The following REPS2 variants were observed in gnomAD, a reference collection of about 807,000 sequenced individuals.
REPS2 encodes the protein RALBP1 associated Eps domain containing 2, also known as ralBP1-associated Eps domain-containing protein 2.
Under a neutral mutation model 53.6 loss-of-function variants are expected in REPS2, and 23 were observed. That is an observed-to-expected ratio of 0.43 (90% confidence interval 0.31 to 0.61). The LOEUF (loss-of-function observed/expected upper bound fraction) is 0.61, where lower values mean the gene tolerates loss of function less well. Ranked by LOEUF, REPS2 falls within the 20% of genes least tolerant of loss-of-function variation. REPS2 has a pLI of 0.11. For missense variants in REPS2, 446 were observed against 534.9 expected (o/e 0.83, Z 1.64); for synonymous variants, 238 against 218.6 (o/e 1.09, Z -0.78).
chrX:17,086,936 G>A (rs909774988), intron 13 of REPS2, among the ~76,000 whole-genome samples: 3 of 112,101 alleles, frequency 2.7e-5, no homozygotes, highest in Non-Finnish European at 5.6e-5. Context: ...GAGGGATATG[G>A]ATATGCCCCC....
intron 13 of REPS2, among the ~76,000 whole-genome samples, chrX:17,088,967 A>G (rs946906441): frequency 2.7e-5 from 3 of 111,525 alleles, no homozygotes; most frequent in African/African-American, 9.8e-5. Context: ...ACATTAAATT[A>G]ATTTGGAGGG....
the REPS2 span, among the ~76,000 whole-genome samples, chrX:17,166,400 G>T: frequency 1.8e-5 from 2 of 112,041 alleles, no homozygotes; most frequent in Non-Finnish European, 3.8e-5. Context: ...TGTAATGGGG[G>T]AAAATAATAA....
intron 1 of REPS2, among the ~76,000 whole-genome samples, chrX:16,962,476 A>T (rs767817872): frequency 1.8e-5 from 2 of 111,828 alleles, no homozygotes; most frequent in African/African-American, 3.3e-5. Context: ...AGTCAAATAT[A>T]TAGAAACAGA....
chrX:16,971,128 G>C (rs1428917614), intron 1 of REPS2, among the ~76,000 whole-genome samples: 1 of 112,208 alleles, frequency 8.9e-6, no homozygotes, highest in Non-Finnish European at 1.9e-5. Context: ...GAGGGTTCCA[G>C]TTTCCCCACA....
intron 1 of REPS2, among the ~76,000 whole-genome samples, chrX:16,973,630 C>T (rs1465460247): frequency 9.0e-6 from 1 of 111,483 alleles, no homozygotes; most frequent in African/African-American, 3.3e-5. Flanking sequence ...TTCAAGTATC[C>T]AGACTAAACT....
the REPS2 span, among the ~76,000 whole-genome samples, chrX:17,186,856 C>T: frequency 0.014 from 1,512 of 110,363 alleles, 10 homozygotes; most frequent in Non-Finnish European, 0.019. Flanking sequence ...GCCATTGTTC[C>T]ACCCACCCAC....
At chrX:17,037,778 T>C (rs1004586317) in intron 5 of REPS2, among the ~76,000 whole-genome samples, 4 of 112,563 alleles carry the variant, frequency 3.6e-5, no homozygotes, top group African/African-American at 1.3e-4. Context: ...GGATAGTAGC[T>C]TATTCCCCAG....
At chrX:16,976,009 A>G (rs1468418553) in intron 1 of REPS2, among the ~76,000 whole-genome samples, 1 of 112,074 alleles carries the variant, frequency 8.9e-6, no homozygotes, top group Non-Finnish European at 1.9e-5. Flanking sequence ...TTGTGCAACC[A>G]TCACTACCAT....
chrX:17,125,276 C>A (rs1345913684), intron 14 of REPS2, among the ~76,000 whole-genome samples: 1 of 111,190 alleles, frequency 9.0e-6, no homozygotes, highest in Non-Finnish European at 1.9e-5. Flanking sequence ...GTGGCATATA[C>A]CCCCATTCCC....
chrX:17,179,593 C>A, the REPS2 span, among the ~76,000 whole-genome samples: 7 of 111,841 alleles, frequency 6.3e-5, no homozygotes, highest in African/African-American at 2.3e-4. Context: ...CCTGCTGAGT[C>A]CTTCCTGAAT....
rs1006463798 is a variant in REPS2 at position 17,047,722 on chromosome X, G to A, written c.907+240G>A. Among the ~76,000 whole-genome samples, 6 of 112,977 alleles carry A rather than the reference G, an allele frequency of 5.3e-5. 1 individual carries two copies. The South Asian group carries it at 2.2e-3, about 40-fold the overall frequency. ...TTGGGGGCAACTTGGCCCAGACCCT[G>A]CACCTTATCAGCTGAGGCAGTTCTT... On this transcript the variant is annotated intron_variant, in intron 6 of 17. Coordinates refer to ENST00000357277, the MANE Select transcript of REPS2 (RefSeq NM_004726.3).
chrX:17,110,450 C>T (rs1317075736), intron 14 of REPS2, among the ~76,000 whole-genome samples: 5 of 105,605 alleles, frequency 4.7e-5, no homozygotes, highest in Non-Finnish European at 9.7e-5. Context: ...TTTGGGAGGC[C>T]GAGGTGGGTG....
chrX:17,050,141 C>CCTTTCTTTCTTTCTTTCTTT (rs774556038), intron 6 of REPS2, among the ~76,000 whole-genome samples: 24 of 20,386 alleles, frequency 1.2e-3, no homozygotes, highest in African/African-American at 2.5e-3. Context: ...TTCCTTTCTT[C>CCTTTCTTTCTTTCTTTCTTT]CTTTCTTTCT....
intron 11 of REPS2, among the ~76,000 whole-genome samples, chrX:17,071,447 T>C (rs1205495539): frequency 9.1e-6 from 1 of 110,255 alleles, no homozygotes; most frequent in Non-Finnish European, 1.9e-5. Flanking sequence ...TTAACATTCC[T>C]TCATTGACTA....
intron 5 of REPS2, among the ~76,000 whole-genome samples, chrX:17,040,026 T>G (rs2061812094): frequency 8.9e-6 from 1 of 112,808 alleles, no homozygotes; most frequent in South Asian, 3.6e-4. Flanking sequence ...GTCAGCCTTC[T>G]GAACTATTGA....
intron 1 of REPS2, among the ~76,000 whole-genome samples, chrX:16,954,138 T>G (rs1162853414): frequency 1.8e-5 from 2 of 110,539 alleles, no homozygotes; most frequent in Non-Finnish European, 3.8e-5. Context: ...TTTAAAAATT[T>G]GTTGTGGAGA....
chrX:17,186,681 C>T, the REPS2 span, among the ~76,000 whole-genome samples: 3 of 111,947 alleles, frequency 2.7e-5, no homozygotes, highest in East Asian at 2.8e-4. Context: ...TTATTGTGTC[C>T]GTTTCACATA....
rs183058600 is a variant in REPS2, at chrX:17,147,285, C to G, written c.1915-128C>G. 26 of 478,194 alleles carry G rather than the reference C, an allele frequency of 5.4e-5. No homozygotes were observed. In the Admixed American group the frequency reaches 8.5e-4, roughly 16 times the overall value. The allele number at this position is 478,194 out of a possible 1,213,427, so 39.4% of individuals were successfully genotyped here. On this transcript the variant is annotated intron_variant, in intron 17 of 17. Coordinates refer to ENST00000357277, the MANE Select transcript of REPS2 (RefSeq NM_004726.3). ...TCTGATACCTCCCAGTCCTCCTGTT[C>G]TTGAGTTATACAGCACTTGTATTTG...
chrX:17,047,018 A>G (rs1028758840), intron 5 of REPS2, among the ~76,000 whole-genome samples: 23 of 112,726 alleles, frequency 2.0e-4, no homozygotes, highest in African/African-American at 6.8e-4. Context: ...AATCTGAAAG[A>G]ATGAAAATGT....
Sources: gnomAD v4.1 joint callset for allele counts (sites outside exome capture counted in the v4.1 genomes callset) on GRCh38, gnomAD v4.1.1 for gene constraint, MANE v1.5 for transcripts, NCBI Gene and HGNC (gene_info 2026-07-23, HGNC 2026-07-21) for gene names.